The following CELF2 variants were observed in gnomAD, a reference collection of about 807,000 sequenced individuals.
CELF2 encodes the protein CUG triplet repeat RNA-binding protein 2.
CELF2 carries 8 observed loss-of-function variants against 62.6 expected under a neutral mutation model. That is an observed-to-expected ratio of 0.13 (90% confidence interval 0.07 to 0.23). The LOEUF (loss-of-function observed/expected upper bound fraction) is 0.23, where lower values mean the gene tolerates loss of function less well. Ranked by LOEUF, CELF2 falls within the 10% of genes least tolerant of loss-of-function variation. The probability of loss-of-function intolerance (pLI) is 1.00; values close to 1 mark genes in which losing one functional copy is unlikely to be tolerated. For missense variants in CELF2, 333 were observed against 671.0 expected (o/e 0.50, Z 5.56); for synonymous variants, 258 against 250.0 (o/e 1.03, Z -0.30).
Position 11,165,430 on chromosome 10 carries a change from C to A in CELF2, c.75-56C>A, listed in dbSNP as rs780944304. On this transcript the variant is annotated intron_variant, in intron 1 of 12. Transcript: ENST00000633077. This position sits in a 1 kb window ranked among gnomAD's most constrained non-coding sequence, Gnocchi z 7.4. ...CGCTCCCCCACCCCCACTATTTTTT[C>A]TTCCTGTCCCTCATCGTGCCGCCCT... The A allele has an allele frequency of 6.2e-6, 9 of 1,447,170 alleles. No homozygotes were observed. The highest frequency in any genetic ancestry group is 2.9e-5 in the African/African-American group (2 of 69,648). 89.6% of individuals were successfully genotyped at this position (1,447,170 alleles called of 1,614,324 possible). A position where few individuals can be genotyped will look rare whatever the true frequency, so the allele number is the denominator to read the frequency against.
intron 1 of CELF2, among the ~76,000 whole-genome samples, chr10:11,140,487 C>T (rs775714477): frequency 2.0e-5 from 3 of 151,994 alleles, no homozygotes; most frequent in East Asian, 1.9e-4. Context: ...AATAGTCACC[C>T]GTCCATCCAC....
chr10:10,619,815 G>C, the CELF2 span, among the ~76,000 whole-genome samples: 1 of 152,136 alleles, frequency 6.6e-6, no homozygotes, highest in African/African-American at 2.4e-5. Context: ...CATACCATTT[G>C]GTGCCAACAT....
At chr10:10,473,049 G>A in the CELF2 span, among the ~76,000 whole-genome samples, 108 of 152,046 alleles carry the variant, frequency 7.1e-4, 1 homozygote, top group Middle Eastern at 0.024. Context: ...TACTGTTGTG[G>A]ATTGAATTGT....
At chr10:10,584,132 G>A in the CELF2 span, among the ~76,000 whole-genome samples, 2 of 152,098 alleles carry the variant, frequency 1.3e-5, no homozygotes, top group African/African-American at 2.4e-5. Flanking sequence ...GAAATAAGAG[G>A]TCAGGATGTC....
chr10:11,271,823 A>T (rs1301828794), intron 7 of CELF2, among the ~76,000 whole-genome samples: 1 of 152,064 alleles, frequency 6.6e-6, no homozygotes, highest in Admixed American at 6.6e-5. Context: ...TTTACTTTGT[A>T]GCAGAAGTTG....
At chr10:10,833,938 T>C (rs988426897) in intron 1 of CELF2, among the ~76,000 whole-genome samples, 4 of 152,156 alleles carry the variant, frequency 2.6e-5, no homozygotes, top group African/African-American at 9.7e-5. Flanking sequence ...GAACTACCAT[T>C]CAACCCAGCA....
In CELF2 at chr10:11,297,682, G is replaced by A. The variant is rs979761907; in HGVS notation, c.976+9130G>A. ...GAAATGTGAATATTTTTAAAAATCT[G>A]TAATGGGGCCAGTCATGGCAGTTCA... On this transcript the variant is annotated intron_variant, in intron 9 of 12. Coordinates refer to ENST00000633077, the MANE Select transcript of CELF2 (RefSeq NM_001326342.2). This position sits in a 1 kb window ranked among gnomAD's most constrained non-coding sequence, Gnocchi z 4.4. Among the ~76,000 whole-genome samples, 44 of 152,330 alleles carry A rather than the reference G, an allele frequency of 2.9e-4. No homozygotes were observed. Among genetic ancestry groups the A allele is most frequent in the African/African-American group, 1.0e-3 (43 of 41,582 alleles).
the CELF2 span, among the ~76,000 whole-genome samples, chr10:10,679,520 C>T: frequency 8.5e-5 from 13 of 152,252 alleles, no homozygotes; most frequent in Admixed American, 2.0e-4. Flanking sequence ...AAACTCCTGA[C>T]CTCAAGTGAT....
At chr10:10,648,769 C>A in the CELF2 span, among the ~76,000 whole-genome samples, 23 of 152,174 alleles carry the variant, frequency 1.5e-4, no homozygotes, top group South Asian at 2.1e-3. Flanking sequence ...CCCAGCAGCC[C>A]GAAGGAAGAC....
intron 1 of CELF2, among the ~76,000 whole-genome samples, chr10:11,020,780 G>C (rs1044235151): frequency 6.6e-6 from 1 of 152,144 alleles, no homozygotes; most frequent in Non-Finnish European, 1.5e-5. Context: ...GAATTATTAC[G>C]CTTGATAGCC....
rs78571929 is a variant in CELF2 at position 10,868,028 on chromosome 10, G to T, written c.54-51936G>T. 2.6e-4 allele frequency among the ~76,000 whole-genome samples: 40 copies of T among 152,202 alleles called. No homozygotes were observed. In the East Asian group the frequency reaches 6.2e-3, roughly 23 times the overall value. Reference sequence around the variant, plus strand: ...AATCTGAAAATATATCTACAATCTTGCTTATTCTTGTGTCTTTTCTGCCTT... The same window carrying T: ...AATCTGAAAATATATCTACAATCTTTCTTATTCTTGTGTCTTTTCTGCCTT... On this transcript the variant is annotated intron_variant, in intron 1 of 13. Transcript: ENST00000636488.
At position 11,334,707 on chromosome 10, in the gene CELF2, C is replaced by T. The variant is rs1026090744; in HGVS notation, c.*5654C>T. Reference sequence around the variant, plus strand: ...CTCCCCTCCCTCATGAGTCTATCCACGCAGTTCTTAACATACATTCCAAAC... The same window carrying T: ...CTCCCCTCCCTCATGAGTCTATCCATGCAGTTCTTAACATACATTCCAAAC... On this transcript the variant is annotated 3_prime_UTR_variant, in exon 13 of 13. Transcript: ENST00000633077. The T allele has an allele frequency of 6.6e-6, 1 of 152,188 alleles. No homozygotes were observed. Among genetic ancestry groups the T allele is most frequent in the Non-Finnish European group, 1.5e-5 (1 of 68,046 alleles). The allele number at this position is 152,188 out of a possible 1,614,324, so 9.4% of individuals were successfully genotyped here. A position where few individuals can be genotyped will look rare whatever the true frequency, so the allele number is the denominator to read the frequency against.
chr10:11,187,001 C>T (rs1488368245), intron 2 of CELF2, among the ~76,000 whole-genome samples: 1 of 152,180 alleles, frequency 6.6e-6, no homozygotes, highest in East Asian at 1.9e-4. Context: ...CCATGTGCAT[C>T]TCAAAAGAAC....
At chr10:10,647,960 A>G in the CELF2 span, among the ~76,000 whole-genome samples, 1 of 152,196 alleles carries the variant, frequency 6.6e-6, no homozygotes, top group South Asian at 2.1e-4. Context: ...CTGCATTTTG[A>G]TCCACTTCCT....
the CELF2 span, among the ~76,000 whole-genome samples, chr10:10,689,050 A>G: frequency 6.6e-6 from 1 of 152,112 alleles, no homozygotes; most frequent in South Asian, 2.1e-4. Context: ...AGAAGAAAAA[A>G]TATGGTATCA....
At chr10:11,219,471 C>T (rs1456401554) in intron 3 of CELF2, among the ~76,000 whole-genome samples, 25 of 152,134 alleles carry the variant, frequency 1.6e-4, no homozygotes, top group Admixed American at 1.6e-3. Flanking sequence ...AAAAGTTGGT[C>T]GGTGGATTAT....
the CELF2 span, among the ~76,000 whole-genome samples, chr10:10,552,401 C>T: frequency 0.11 from 16,793 of 152,206 alleles, 1,439 homozygotes; most frequent in African/African-American, 0.24. Flanking sequence ...CTAATGGAGA[C>T]TAGCAGAAAA....
chr10:10,729,442 T>G, the CELF2 span, among the ~76,000 whole-genome samples: 10 of 152,332 alleles, frequency 6.6e-5, no homozygotes, highest in East Asian at 1.9e-3. Flanking sequence ...TGTGTTATGT[T>G]TCTCAGAAAG....
chr10:10,613,737 G>A, the CELF2 span, among the ~76,000 whole-genome samples: 1 of 152,070 alleles, frequency 6.6e-6, no homozygotes, highest in African/African-American at 2.4e-5. Flanking sequence ...TGCTTTAAAA[G>A]AAAAAGCTTT....
Sources: gnomAD v4.1 joint callset for allele counts (sites outside exome capture counted in the v4.1 genomes callset) on GRCh38, gnomAD v4.1.1 for gene constraint, Gnocchi (gnomAD v3.1) non-coding constraint, MANE v1.5 for transcripts, NCBI Gene and HGNC (gene_info 2026-07-23, HGNC 2026-07-21) for gene names.